Variants in CNTRL observed in about 807,000 individuals in gnomAD.
The protein encoded by CNTRL is 110 kDa centrosomal protein.
In CNTRL, 233 loss-of-function variants were observed where a neutral mutation model predicts 303.7. That is an observed-to-expected ratio of 0.77 (90% CI 0.69 to 0.86). The LOEUF (loss-of-function observed/expected upper bound fraction) is 0.86. Among genes scored for constraint, CNTRL ranks in the 40% least tolerant of loss-of-function variants. CNTRL has a pLI of 0.00. For synonymous variants in CNTRL, 900 were observed against 922.2 expected (o/e 0.98, Z 0.44); for missense variants, 2,524 against 2,650.6 (o/e 0.95, Z 1.05).
rs769479358 is a variant in CNTRL, at chr9:121,107,904, A to C, written c.911A>C (p.Asp304Ala). The change falls in exon 8 of 44, where the codon GAT (aspartate) becomes GCT (alanine). Residue 304 changes from aspartate (D) to alanine (A), a missense_variant. Transcript: ENST00000373855. ...TRFLEEIKNQ[D>A]KLNKSLKEEA... ...TTCCTTGAGGAAATTAAAAATCAAG[A>C]TAAATTGAATAAATCATTAAAAGAG... is the stretch of plus-strand genomic sequence containing the variant. 1.2e-6 allele frequency: 2 copies of C among 1,611,100 alleles called. No homozygotes were observed. The highest frequency in any genetic ancestry group is 2.2e-5 in the South Asian group (2 of 90,594).
At chr9:121,109,213 TA>T (rs2049630859) in intron 8 of CNTRL, among the ~76,000 whole-genome samples, 1 of 152,162 alleles carries the variant, frequency 6.6e-6, no homozygotes, top group Admixed American at 6.5e-5. Flanking sequence ...ATAAATATTA[TA>T]TTGTTTAGGA....
At position 121,090,603 on chromosome 9, in the gene CNTRL, C is replaced by G. The variant is rs142525494; in HGVS notation, c.348+198C>G. ...ACTCAATATTCTTACAACATTGACT[C>G]TGTAGAGAAGGGGTTGGCAAAGTAC... On this transcript the variant is annotated intron_variant, in intron 4 of 43. Coordinates refer to ENST00000373855, the MANE Select transcript of CNTRL (RefSeq NM_007018.6). 4.2e-3 allele frequency among the ~76,000 whole-genome samples: 642 copies of G among 152,268 alleles called. 1 individual carries two copies. Among genetic ancestry groups the G allele is most frequent in the African/African-American group, 0.015 (606 of 41,538 alleles).
chr9:121,079,537 C>G (rs1487617203), intron 1 of CNTRL, among the ~76,000 whole-genome samples: 1 of 152,108 alleles, frequency 6.6e-6, no homozygotes. Context: ...TTGATTATCT[C>G]TTGTCCAAAA....
intron 40 of CNTRL, 140 bp downstream of exon 40, chr9:121,171,688 T>G (rs2053312002): frequency 1.3e-6 from 1 of 784,258 alleles, no homozygotes; most frequent in South Asian, 4.1e-5. Flanking sequence ...TCAAATCTGG[T>G]TTTTTAGCCT....
chr9:121,106,656 T>C (rs924862994), intron 7 of CNTRL, among the ~76,000 whole-genome samples: 1 of 152,098 alleles, frequency 6.6e-6, no homozygotes. Context: ...AAATAGCCAA[T>C]TTAGAGTGTT....
At chr9:121,140,312 T>C (rs1056891191) in intron 16 of CNTRL, among the ~76,000 whole-genome samples, 1 of 152,226 alleles carries the variant, frequency 6.6e-6, no homozygotes, top group Non-Finnish European at 1.5e-5. Context: ...GACTGGCCTC[T>C]AGTCAGATGA....
chr9:121,102,344 C>T (rs1428399382), intron 7 of CNTRL, among the ~76,000 whole-genome samples: 1 of 152,180 alleles, frequency 6.6e-6, no homozygotes, highest in East Asian at 1.9e-4. Context: ...TGACAAACTT[C>T]AACAGCCCTT....
intron 23 of CNTRL, among the ~76,000 whole-genome samples, chr9:121,147,379 TGAG>T (rs1403653464): frequency 9.2e-4 from 140 of 152,296 alleles, no homozygotes; most frequent in African/African-American, 3.3e-3. Flanking sequence ...ATGTAGGCCA[TGAG>T]AAATGGGTTG....
chr9:121,079,320 T>C (rs1329793399), intron 1 of CNTRL, among the ~76,000 whole-genome samples: 1 of 152,142 alleles, frequency 6.6e-6, no homozygotes, highest in African/African-American at 2.4e-5. Flanking sequence ...ATGTATAGTT[T>C]AATATGAGAA....
chr9:121,145,378 TG>T lies in CNTRL; in HGVS notation c.3305del (p.Gly1102GlufsTer12). ...ARLQNVLDLT[G>X]SDNKGGFENV... ...GGCTGCAGAATGTACTAGACCTCAC[TG>T]GAAGTGGTAAAGTATTGGGCTTTGA... On this transcript the variant is annotated frameshift_variant, in exon 22 of 44. Coordinates refer to ENST00000373855, the MANE Select transcript of CNTRL (RefSeq NM_007018.6). LOFTEE classifies it high-confidence loss of function. 6.2e-7 allele frequency: 1 copy of T among 1,604,614 alleles called. No individual in the cohort carries two copies. Among genetic ancestry groups the T allele is most frequent in the South Asian group, 1.1e-5 (1 of 88,596 alleles).
intron 19 of CNTRL, 112 bp from the exon 20 acceptor site, chr9:121,143,791 C>T: frequency 1.4e-6 from 1 of 707,412 alleles, no homozygotes; most frequent in East Asian, 2.7e-5. Flanking sequence ...TCCTGTGTAT[C>T]AAGTATTGTT....
At position 121,146,268 on chromosome 9, in the gene CNTRL, G is replaced by A; in HGVS notation, c.3459+12G>A. 2 of 1,600,396 alleles carry A rather than the reference G, an allele frequency of 1.2e-6. No homozygotes were observed. The highest frequency in any genetic ancestry group is 4.5e-5 in the East Asian group (2 of 44,776). ...CACCATCATCAAAAGTAGGAATTCT[G>A]TGGTGTTGGGAATGTATACTGAATT... On this transcript the variant is annotated intron_variant, in intron 23 of 43. Coordinates refer to ENST00000373855, the MANE Select transcript of CNTRL (RefSeq NM_007018.6).
Position 121,080,287 on chromosome 9 carries a change from TTGTC to T in CNTRL, c.-204-11_-204-8del, listed in dbSNP as rs1380968352. On this transcript the variant is annotated splice_polypyrimidine_tract_variant and intron_variant, in intron 1 of 43. Coordinates refer to ENST00000373855, the MANE Select transcript of CNTRL (RefSeq NM_007018.6). ...ATAAAGAGCTTATCACAACATATAT[TTGTC>T]TGTCTGTTTTTTAGAGACAGGGGCT... 2 of 152,294 alleles carry T rather than the reference TTGTC, an allele frequency of 1.3e-5. No individual in the cohort carries two copies. Among genetic ancestry groups the T allele is most frequent in the East Asian group, 3.9e-4 (2 of 5,190 alleles). 9.4% of individuals were successfully genotyped at this position (152,294 alleles called of 1,614,324 possible).
intron 32 of CNTRL, among the ~76,000 whole-genome samples, chr9:121,160,558 G>C (rs2052798039): frequency 6.6e-6 from 1 of 152,276 alleles, no homozygotes; most frequent in Admixed American, 6.5e-5. Flanking sequence ...TATCAATTGA[G>C]GTATAAACTG....
chr9:121,158,771 A>G, intron 30 of CNTRL, 84 bp from the exon 31 acceptor site: 1 of 1,306,378 alleles, frequency 7.7e-7, no homozygotes, highest in South Asian at 1.4e-5. Context: ...TCCTGATTTT[A>G]CCTCACAACT....
At chr9:121,137,758 G>A (rs1311582523) in intron 15 of CNTRL, among the ~76,000 whole-genome samples, 1 of 152,030 alleles carries the variant, frequency 6.6e-6, no homozygotes, top group African/African-American at 2.4e-5. Flanking sequence ...TTTCTAGATG[G>A]CATTTTCCTT....
chr9:121,097,767 A>T (rs950221498), intron 6 of CNTRL, among the ~76,000 whole-genome samples: 1 of 152,108 alleles, frequency 6.6e-6, no homozygotes, highest in Non-Finnish European at 1.5e-5. Flanking sequence ...ATCAATAAAT[A>T]TTTATTTCTA....
At position 121,177,406 on chromosome 9, in the gene CNTRL, A is replaced by C. The variant is rs1393194140; in HGVS notation, c.*220A>C. 6 of 428,182 alleles carry C rather than the reference A, an allele frequency of 1.4e-5. No homozygotes were observed. The East Asian group carries it at 1.8e-4, about 13-fold the overall frequency. 26.5% of individuals were successfully genotyped at this position (428,182 alleles called of 1,614,324 possible). A position where few individuals can be genotyped will look rare whatever the true frequency, so the allele number is the denominator to read the frequency against. On this transcript the variant is annotated 3_prime_UTR_variant, in exon 44 of 44. Coordinates refer to ENST00000373855, the MANE Select transcript of CNTRL (RefSeq NM_007018.6). ...TAGTTGCATATGGGAATTTAAACCA[A>C]CATGTGGCTGAGCCTTTTTTTTTTT...
Position 121,168,115 on chromosome 9 carries a change from A to G in CNTRL, c.5864A>G (p.Lys1955Arg), listed in dbSNP as rs1564301869. The change falls in exon 38 of 44, where the codon AAA (lysine) becomes AGA (arginine). Residue 1955 changes from lysine (K) to arginine (R), a missense_variant. Coordinates refer to ENST00000373855, the MANE Select transcript of CNTRL (RefSeq NM_007018.6). ...QQEMMFQRLQ[K>R]ERESEESKLE... is the part of the protein sequence containing the mutation. ...ATTAAGATGTTTCAGAGACTCCAGA[A>G]AGAGAGAGAAAGTGAAGAAAGCAAA... 3.7e-6 allele frequency: 6 copies of G among 1,612,642 alleles called. No homozygotes were observed. The African/African-American group carries it at 6.7e-5, about 18-fold the overall frequency.
Sources: allele counts gnomAD v4.1 joint callset (sites outside exome capture counted in the v4.1 genomes callset), GRCh38; gene constraint gnomAD v4.1.1; transcripts MANE v1.5; gene names NCBI Gene and HGNC (gene_info 2026-07-23, HGNC 2026-07-21).